The following HHAT variants were observed in gnomAD, a reference collection of about 807,000 sequenced individuals.
HHAT encodes the protein protein-cysteine N-palmitoyltransferase HHAT.
HHAT carries 47 observed loss-of-function variants against 70.8 expected under a neutral mutation model. The ratio of observed to expected loss-of-function variants is 0.66; its 90% CI spans 0.53 to 0.85. HHAT has a LOEUF of 0.85. Ranked by LOEUF, HHAT falls within the 40% of genes least tolerant of loss-of-function variation. The pLI, the probability that HHAT is intolerant of heterozygous loss-of-function variation, is 0.00. For missense variants in HHAT, 609 were observed against 604.8 expected (o/e 1.01, Z -0.07); for synonymous variants, 228 against 247.6 (o/e 0.92, Z 0.74).
Position 210,595,874 on chromosome 1 carries a change from T to G in HHAT, c.1245+7775T>G, listed in dbSNP as rs1662871782. On this transcript the variant is annotated intron_variant, in intron 10 of 11. Transcript: ENST00000261458. The stretch of plus-strand genomic sequence containing the variant: ...TTGTAGATTCTGGATACTAGCCCTT[T>G]GTCAGATGAGTAGATTGCAAAAATT... Among the ~76,000 whole-genome samples, 4 of 152,206 alleles carry G rather than the reference T, an allele frequency of 2.6e-5. No individual in the cohort carries two copies. The South Asian group carries it at 8.3e-4, about 31-fold the overall frequency.
intron 11 of HHAT, among the ~76,000 whole-genome samples, chr1:210,645,316 C>T (rs745584820): frequency 2.6e-5 from 4 of 152,160 alleles, no homozygotes; most frequent in African/African-American, 7.2e-5. Flanking sequence ...CTCTCTCTGT[C>T]GCCCAGGCTG....
chr1:210,486,026 C>G (rs537789950), intron 8 of HHAT, among the ~76,000 whole-genome samples: 1 of 152,308 alleles, frequency 6.6e-6, no homozygotes, highest in South Asian at 2.1e-4. Flanking sequence ...TCAAAACTCT[C>G]TAATTCTGAA....
At chr1:210,479,048 G>A (rs959829753) in intron 8 of HHAT, among the ~76,000 whole-genome samples, 4 of 152,144 alleles carry the variant, frequency 2.6e-5, no homozygotes, top group African/African-American at 9.7e-5. Context: ...AGCAGCAGGA[G>A]TAGCAAACAG....
At chr1:210,500,757 G>T (rs1015666402) in intron 8 of HHAT, among the ~76,000 whole-genome samples, 1 of 152,186 alleles carries the variant, frequency 6.6e-6, no homozygotes, top group African/African-American at 2.4e-5. Flanking sequence ...CTACTTGGAA[G>T]AAAGAAGAGA....
At chr1:210,378,263 T>A (rs937517635) in intron 3 of HHAT, among the ~76,000 whole-genome samples, 1 of 152,192 alleles carries the variant, frequency 6.6e-6, no homozygotes, top group Non-Finnish European at 1.5e-5. Context: ...TTCAAGAACC[T>A]TATAAAGGTT....
intron 8 of HHAT, among the ~76,000 whole-genome samples, chr1:210,485,489 C>A (rs576734656): frequency 1.3e-5 from 2 of 152,250 alleles, no homozygotes; most frequent in Admixed American, 6.5e-5. Flanking sequence ...ACCAGCGACT[C>A]CTCAGGTCCG....
intron 10 of HHAT, among the ~76,000 whole-genome samples, chr1:210,593,623 A>AGGAT (rs1356750330): frequency 6.6e-5 from 10 of 152,164 alleles, no homozygotes; most frequent in Non-Finnish European, 7.3e-5. Context: ...CCATACGTGG[A>AGGAT]GGAGAAGAAT....
At chr1:210,643,725 C>T (rs1169384843) in intron 11 of HHAT, among the ~76,000 whole-genome samples, 1 of 151,528 alleles carries the variant, frequency 6.6e-6, no homozygotes, top group Non-Finnish European at 1.5e-5. Flanking sequence ...TTTTAACCAC[C>T]AGACAACTTT....
intron 6 of HHAT, among the ~76,000 whole-genome samples, chr1:210,412,930 G>A (rs1294415610): frequency 6.6e-6 from 1 of 152,196 alleles, no homozygotes; most frequent in East Asian, 1.9e-4. Context: ...ACTGCACTGG[G>A]GCCCACAGGA....
At chr1:210,328,281 C>T (rs1433183897), upstream of HHAT, 2 of 152,180 alleles carry the variant, frequency 1.3e-5, no homozygotes, top group Non-Finnish European at 2.9e-5. Context: ...GGCCTCCGAG[C>T]AGCAACATCG....
chr1:210,486,402 C>A (rs1184206230), intron 8 of HHAT, among the ~76,000 whole-genome samples: 1 of 152,194 alleles, frequency 6.6e-6, no homozygotes, highest in African/African-American at 2.4e-5. Flanking sequence ...TTCATTCATT[C>A]TGAAGGATTG....
chr1:210,475,104 A>T (rs1317462000), intron 8 of HHAT, among the ~76,000 whole-genome samples: 1 of 151,690 alleles, frequency 6.6e-6, no homozygotes, highest in Non-Finnish European at 1.5e-5. Context: ...CAAGCGATCC[A>T]CCTGCCTTAG....
chr1:210,391,763 A>C (rs1259276950), intron 4 of HHAT, among the ~76,000 whole-genome samples: 1 of 152,212 alleles, frequency 6.6e-6, no homozygotes, highest in Non-Finnish European at 1.5e-5. Context: ...AGCTGCCTGA[A>C]CTCATACAGA....
chr1:210,645,557 A>G (rs1439963488), intron 11 of HHAT, among the ~76,000 whole-genome samples: 1 of 152,208 alleles, frequency 6.6e-6, no homozygotes, highest in African/African-American at 2.4e-5. Flanking sequence ...TATTCAACAC[A>G]TTTTGACAAG....
intron 7 of HHAT, among the ~76,000 whole-genome samples, chr1:210,434,121 A>G (rs562885399): frequency 2.0e-5 from 3 of 152,112 alleles, no homozygotes; most frequent in African/African-American, 7.3e-5. Flanking sequence ...AAGAAGGTAC[A>G]CAATTTATCA....
At chr1:210,354,195 C>CTTTTTT (rs71146220) in intron 2 of HHAT, among the ~76,000 whole-genome samples, 2 of 102,614 alleles carry the variant, frequency 1.9e-5, no homozygotes, top group African/African-American at 8.4e-5. Context: ...AACATAATGT[C>CTTTTTT]TTTTTTTTTT....
Position 210,384,444 on chromosome 1 carries a change from C to T in HHAT, c.160-3024C>T, listed in dbSNP as rs1030253488. The stretch of plus-strand genomic sequence containing the variant: ...GGCATAATCAGTCATGTAGATTGGT[C>T]CCCAGGCTGGTAGTATCACATCACC... On this transcript the variant is annotated intron_variant, in intron 3 of 11. Coordinates refer to ENST00000261458, the MANE Select transcript of HHAT (RefSeq NM_018194.6). Among the ~76,000 whole-genome samples, 4 of 152,128 alleles carry T rather than the reference C, an allele frequency of 2.6e-5. No homozygotes were observed. The East Asian group carries it at 5.8e-4, about 22-fold the overall frequency.
chr1:210,644,127 T>C (rs774100868), intron 11 of HHAT, among the ~76,000 whole-genome samples: 9 of 152,180 alleles, frequency 5.9e-5, no homozygotes, highest in Non-Finnish European at 1.2e-4. Flanking sequence ...CCTCCCATTT[T>C]GGAAAAGACA....
In HHAT at chr1:210,355,537, G is replaced by A. The variant is rs190047687; in HGVS notation, c.91+6471G>A. Among the ~76,000 whole-genome samples the A allele has an allele frequency of 1.1e-4, 16 of 152,182 alleles. No homozygotes were observed. In the East Asian group the frequency reaches 1.5e-3, roughly 15 times the overall value. ...TCAGTTTTCCAGAGGCAAACCATAC[G>A]GATTCATTCCTATTACAAACCTACC... On this transcript the variant is annotated intron_variant, in intron 2 of 11. Transcript: ENST00000261458.
Sources: allele counts gnomAD v4.1 joint callset (sites outside exome capture counted in the v4.1 genomes callset), GRCh38; gene constraint gnomAD v4.1.1; transcripts MANE v1.5; gene names NCBI Gene and HGNC (gene_info 2026-07-23, HGNC 2026-07-21).